The following DIAPH3 variants were observed in gnomAD, a reference collection of about 807,000 sequenced individuals.
DIAPH3 encodes the protein protein diaphanous homolog 3.
A neutral mutation model predicts 144.3 loss-of-function variants in DIAPH3; 117 were observed. The ratio of observed to expected loss-of-function variants is 0.81; its 90% CI spans 0.70 to 0.95. The LOEUF is 0.95. Ranked by LOEUF, DIAPH3 falls within the 40% of genes least tolerant of loss-of-function variation. The probability of loss-of-function intolerance (pLI) is 0.00; values close to 1 mark genes in which losing one functional copy is unlikely to be tolerated. For synonymous variants in DIAPH3, 519 were observed against 488.9 expected, an observed-to-expected ratio of 1.06 and a Z score of -0.81; for missense variants, 1,421 against 1,412.7, an observed-to-expected ratio of 1.01 and a Z score of -0.09.
chr13:60,082,358 A>G (rs2057589489), intron 4 of DIAPH3, among the ~76,000 whole-genome samples: 1 of 151,720 alleles, frequency 6.6e-6, no homozygotes, highest in African/African-American at 2.4e-5. Flanking sequence ...TCCATGAAAA[A>G]GAAAACCAAA....
At chr13:59,925,490 A>T (rs180924290) in intron 17 of DIAPH3, among the ~76,000 whole-genome samples, 1 of 152,146 alleles carries the variant, frequency 6.6e-6, no homozygotes, top group Non-Finnish European at 1.5e-5. Flanking sequence ...ATCTAAATTC[A>T]TCAGGAATAT....
At chr13:59,887,089 G>T (rs1330172859) in intron 20 of DIAPH3, among the ~76,000 whole-genome samples, 1 of 151,864 alleles carries the variant, frequency 6.6e-6, no homozygotes, top group Non-Finnish European at 1.5e-5. Context: ...AGTTTGTTGA[G>T]TTTTTTCATA....
chr13:60,098,280 G>A (rs981532224), intron 3 of DIAPH3, among the ~76,000 whole-genome samples: 2 of 152,076 alleles, frequency 1.3e-5, no homozygotes, highest in Non-Finnish European at 2.9e-5. Context: ...CATACTAAAG[G>A]TGGCCTCTGG....
intron 4 of DIAPH3, chr13:60,044,259 C>A (rs116373103): frequency 6.6e-6 from 1 of 152,100 alleles, no homozygotes; most frequent in Admixed American, 6.5e-5. Context: ...TGAAGTGGTA[C>A]GAAATTCGGT....
chr13:59,923,635 G>C (rs1271716242), intron 18 of DIAPH3, among the ~76,000 whole-genome samples: 1 of 152,106 alleles, frequency 6.6e-6, no homozygotes, highest in African/African-American at 2.4e-5. Flanking sequence ...ACCCCAAAAA[G>C]TGACATTAAC....
intron 18 of DIAPH3, among the ~76,000 whole-genome samples, chr13:59,924,480 C>A (rs1555632): frequency 2.0e-5 from 3 of 150,194 alleles, no homozygotes; most frequent in African/African-American, 7.3e-5. Flanking sequence ...TTCCTTAAGT[C>A]TTTATTTTTA....
intron 17 of DIAPH3, among the ~76,000 whole-genome samples, chr13:59,946,987 C>T (rs2048832886): frequency 6.6e-6 from 1 of 152,178 alleles, no homozygotes. Flanking sequence ...AAATCAAGAA[C>T]TGTCAATCAG....
chr13:59,818,889 C>T (rs1410900310), intron 24 of DIAPH3, among the ~76,000 whole-genome samples: 2 of 151,912 alleles, frequency 1.3e-5, no homozygotes, highest in Non-Finnish European at 3.0e-5. Flanking sequence ...TTGCTTTTTT[C>T]AAAACTGCTC....
intron 3 of DIAPH3, among the ~76,000 whole-genome samples, chr13:60,111,610 T>C (rs1425103864): frequency 2.6e-5 from 4 of 152,176 alleles, no homozygotes; most frequent in African/African-American, 9.7e-5. Flanking sequence ...AGCATCTAAC[T>C]AATGCCTGAT....
chr13:59,987,490 G>GA (rs58336587), intron 12 of DIAPH3, among the ~76,000 whole-genome samples: 224 of 66,274 alleles, frequency 3.4e-3, no homozygotes, highest in Non-Finnish European at 5.5e-3. Flanking sequence ...AAAAAAAAAA[G>GA]AAAAAAAAAA....
chr13:59,834,228 T>G (rs2041927095), intron 23 of DIAPH3, among the ~76,000 whole-genome samples: 2 of 151,720 alleles, frequency 1.3e-5, no homozygotes, highest in Non-Finnish European at 3.0e-5. Context: ...TGCAGTCAGA[T>G]ATAACATCAC....
intron 4 of DIAPH3, 104 bp downstream of exon 4, chr13:60,093,524 T>G: frequency 1.4e-6 from 1 of 734,694 alleles, no homozygotes; most frequent in Non-Finnish European, 2.4e-6. Context: ...AGAAGCCCTC[T>G]GATTACAGTT....
intron 25 of DIAPH3, among the ~76,000 whole-genome samples, chr13:59,796,598 A>ACACACATATACATG (rs2039620379): frequency 6.6e-6 from 1 of 152,238 alleles, no homozygotes; most frequent in Non-Finnish European, 1.5e-5. Context: ...CCATATACAT[A>ACACACATATACATG]CACACATATG....
intron 22 of DIAPH3, among the ~76,000 whole-genome samples, chr13:59,854,429 G>A (rs1050679686): frequency 4.6e-5 from 7 of 152,104 alleles, no homozygotes; most frequent in African/African-American, 1.4e-4. Flanking sequence ...GAGAGCAGCT[G>A]ACAATTCTAC....
intron 24 of DIAPH3, among the ~76,000 whole-genome samples, chr13:59,818,335 A>C (rs916305243): frequency 6.6e-5 from 10 of 151,962 alleles, no homozygotes; most frequent in African/African-American, 2.2e-4. Context: ...CTCTATAAAG[A>C]TCTTTTGCTG....
At chr13:59,842,489 G>A (rs1048318231) in intron 22 of DIAPH3, among the ~76,000 whole-genome samples, 2 of 151,936 alleles carry the variant, frequency 1.3e-5, no homozygotes, top group Non-Finnish European at 2.9e-5. Context: ...ATACCAACTG[G>A]GTGTCCTACA....
At chr13:60,078,253 T>C (rs1746619555) in intron 4 of DIAPH3, among the ~76,000 whole-genome samples, 5 of 152,092 alleles carry the variant, frequency 3.3e-5, no homozygotes, top group Admixed American at 3.3e-4. Context: ...CCTCAACTAC[T>C]AACTCAATAG....
chr13:60,021,967 A>C (rs994823391), intron 5 of DIAPH3, among the ~76,000 whole-genome samples: 15 of 152,186 alleles, frequency 9.9e-5, no homozygotes, highest in African/African-American at 3.1e-4. Context: ...AGTTTTCAGC[A>C]TAAAAGTCCT....
intron 20 of DIAPH3, among the ~76,000 whole-genome samples, chr13:59,882,826 G>A (rs1054263240): frequency 6.6e-6 from 1 of 152,092 alleles, no homozygotes; most frequent in Non-Finnish European, 1.5e-5. Flanking sequence ...TGACAATAAT[G>A]AGATGTAATC....
Sources: allele counts gnomAD v4.1 joint callset (sites outside exome capture counted in the v4.1 genomes callset), GRCh38; gene constraint gnomAD v4.1.1; transcripts MANE v1.5; gene names NCBI Gene and HGNC (gene_info 2026-07-23, HGNC 2026-07-21).